The following LRP1B variants were observed in gnomAD, a reference collection of about 807,000 sequenced individuals.
The protein encoded by LRP1B is LDL receptor related protein 1B, also known as low-density lipoprotein receptor-related protein 1B.
LRP1B carries 217 observed loss-of-function variants against 556.6 expected under a neutral mutation model. The observed-to-expected ratio is 0.39, with a 90% CI of 0.35 to 0.44. LRP1B has a LOEUF of 0.44. LRP1B is among the 20% of genes least tolerant of loss of function. LRP1B has a pLI of 1.00. For synonymous variants in LRP1B, 2,047 were observed against 1,865.8 expected, an observed-to-expected ratio of 1.10 and a Z score of -2.50; for missense variants, 5,053 against 5,620.8, an observed-to-expected ratio of 0.90 and a Z score of 3.23.
At chr2:140,287,448 G>A (rs1256362095) in intron 84 of LRP1B, among the ~76,000 whole-genome samples, 1 of 151,548 alleles carries the variant, frequency 6.6e-6, no homozygotes, top group African/African-American at 2.4e-5. Context: ...CTATCCATCT[G>A]AATTTATTTG....
intron 41 of LRP1B, among the ~76,000 whole-genome samples, chr2:140,637,477 C>T (rs932996495): frequency 6.6e-6 from 1 of 152,186 alleles, no homozygotes; most frequent in African/African-American, 2.4e-5. Flanking sequence ...TGTGTATTTT[C>T]ATACATTAGA....
chr2:140,270,141 CT>C (rs1682391891), intron 86 of LRP1B, 100 bp downstream of exon 86: 1 of 794,600 alleles, frequency 1.3e-6, no homozygotes, highest in Non-Finnish European at 2.2e-6. Context: ...CCATGAAACA[CT>C]CATTTAAAAT....
intron 2 of LRP1B, among the ~76,000 whole-genome samples, chr2:141,762,523 TG>T (rs1433498095): frequency 1.3e-5 from 2 of 151,932 alleles, no homozygotes; most frequent in African/African-American, 4.8e-5. Context: ...ATAAAATATA[TG>T]GAGGTTATAT....
At chr2:140,237,082 C>T (rs1476526960) in intron 89 of LRP1B, among the ~76,000 whole-genome samples, 1 of 150,702 alleles carries the variant, frequency 6.6e-6, no homozygotes, top group Non-Finnish European at 1.5e-5. Flanking sequence ...TGTTAACCAC[C>T]ATCACCTAAC....
chr2:141,577,170 G>A (rs2105273118), intron 2 of LRP1B, among the ~76,000 whole-genome samples: 1 of 152,256 alleles, frequency 6.6e-6, no homozygotes, highest in African/African-American at 2.4e-5. Flanking sequence ...TAGTAGCATA[G>A]CCCAGATTGC....
At chr2:141,651,678 T>C (rs1003422329) in intron 2 of LRP1B, among the ~76,000 whole-genome samples, 4 of 152,092 alleles carry the variant, frequency 2.6e-5, no homozygotes, top group Admixed American at 2.6e-4. Flanking sequence ...AAAATAATAA[T>C]GATAATAAAT....
chr2:141,668,022 A>G (rs1376836415), intron 2 of LRP1B, among the ~76,000 whole-genome samples: 1 of 152,208 alleles, frequency 6.6e-6, no homozygotes, highest in East Asian at 1.9e-4. Context: ...TCAAGTCCCT[A>G]GTATAGAATG....
intron 41 of LRP1B, among the ~76,000 whole-genome samples, chr2:140,699,159 T>C (rs1686541742): frequency 6.6e-6 from 1 of 152,084 alleles, no homozygotes; most frequent in Non-Finnish European, 1.5e-5. Context: ...AGCTATAGTT[T>C]AGTTATTCAA....
At chr2:141,858,540 G>A (rs114283491) in intron 1 of LRP1B, among the ~76,000 whole-genome samples, 2,164 of 152,216 alleles carry the variant, frequency 0.014, 53 homozygotes, top group African/African-American at 0.048. Context: ...TGCAGCTAAC[G>A]ACATAGACTT....
Position 140,601,621 on chromosome 2 carries a change from C to A in LRP1B, c.6818G>T (p.Gly2273Val). 2 of 1,589,674 alleles carry A rather than the reference C, an allele frequency of 1.3e-6. No individual in the cohort carries two copies. The highest frequency in any genetic ancestry group is 1.7e-6 in the Non-Finnish European group (2 of 1,165,334). Residue 2273 changes from glycine to valine, a missense_variant, in exon 42 of 91, where the codon GGA (glycine) becomes GTA (valine). Around this residue, in one of 5 missense-constraint regions of LRP1B, gnomAD observed 3,619 missense variants for 3,931.9 expected, o/e 0.92. Transcript: ENST00000389484. ...ATCCCAGGCTCTGTGATAGGCAAGT[C>A]CTTCCACAGAACCCACATCTAGTGG... ...VIVENVGSVE[G>V]LAYHRAWDTL...
intron 2 of LRP1B, among the ~76,000 whole-genome samples, chr2:141,668,072 A>G (rs1286324340): frequency 6.6e-6 from 1 of 152,232 alleles, no homozygotes; most frequent in African/African-American, 2.4e-5. Flanking sequence ...ACCCATTTCC[A>G]ATAAGCAATC....
intron 3 of LRP1B, among the ~76,000 whole-genome samples, chr2:141,367,130 G>T (rs1462476285): frequency 6.6e-6 from 1 of 152,116 alleles, no homozygotes; most frequent in Non-Finnish European, 1.5e-5. Context: ...ATATATAAGA[G>T]AAGGCTACTA....
At position 140,982,404 on chromosome 2, in the gene LRP1B, A is replaced by T. The variant is rs1696799806; in HGVS notation, c.2771-128T>A. On this transcript the variant is annotated intron_variant, in intron 17 of 90. Transcript: ENST00000389484. ...TTTCTCTATTAAAATAAAATATTTT[A>T]AAAGTCCATTTTTATTTAAGGCTTC... 5.0e-6 allele frequency: 3 copies of T among 602,786 alleles called. No individual in the cohort carries two copies. The East Asian group carries it at 8.7e-5, about 17-fold the overall frequency. The allele number at this position is 602,786 out of a possible 1,614,324, so 37.3% of individuals were successfully genotyped here.
chr2:140,515,454 T>C (rs1277522275), intron 50 of LRP1B, among the ~76,000 whole-genome samples: 1 of 151,990 alleles, frequency 6.6e-6, no homozygotes, highest in Non-Finnish European at 1.5e-5. Context: ...ATTGCTCTCC[T>C]CCATTCCCAG....
chr2:141,003,242 T>C (rs760845193), intron 15 of LRP1B, among the ~76,000 whole-genome samples: 1 of 152,082 alleles, frequency 6.6e-6, no homozygotes, highest in Admixed American at 6.6e-5. Context: ...AAATTATGTT[T>C]ACAAAGATAT....
chr2:141,200,446 A>G (rs1285764570), intron 6 of LRP1B, among the ~76,000 whole-genome samples: 1 of 152,138 alleles, frequency 6.6e-6, no homozygotes, highest in Non-Finnish European at 1.5e-5. Flanking sequence ...CTTAATACCT[A>G]GGTGATGAAA....
chr2:140,328,505 AAT>A, intron 79 of LRP1B, among the ~76,000 whole-genome samples: 1 of 152,122 alleles, frequency 6.6e-6, no homozygotes, highest in Middle Eastern at 3.4e-3. Flanking sequence ...AAGAAAACAA[AAT>A]ATTATGTGAA....
intron 2 of LRP1B, among the ~76,000 whole-genome samples, chr2:141,680,539 T>C (rs974851421): frequency 1.3e-5 from 2 of 152,150 alleles, no homozygotes; most frequent in Non-Finnish European, 2.9e-5. Context: ...TTTCTCCCAC[T>C]ATAATGCAAC....
intron 2 of LRP1B, among the ~76,000 whole-genome samples, chr2:141,632,194 G>T (rs1244252427): frequency 6.6e-6 from 1 of 151,840 alleles, no homozygotes; most frequent in Non-Finnish European, 1.5e-5. Context: ...AAAGTGCTGG[G>T]GTAACAGGCA....
Sources: gnomAD v4.1 joint callset for allele counts (sites outside exome capture counted in the v4.1 genomes callset) on GRCh38, gnomAD v4.1.1 for gene constraint, gnomAD v4.1.1 regional missense constraint, MANE v1.5 for transcripts, NCBI Gene and HGNC (gene_info 2026-07-23, HGNC 2026-07-21) for gene names.